The following MEIKIN variants were observed in gnomAD, a reference collection of about 807,000 sequenced individuals.
MEIKIN encodes the protein meiosis-specific kinetochore protein.
At chr5:131,897,370 A>T (rs1012513303) in intron 8 of MEIKIN, among the ~76,000 whole-genome samples, 1 of 151,856 alleles carries the variant, frequency 6.6e-6, no homozygotes, top group Non-Finnish European at 1.5e-5. Context: ...CTTAGGGAGG[A>T]GTAACTTCTC....
chr5:131,892,149 TTTTTTCCTTCATTTCAACTTTGGTGAATC>T lies in MEIKIN; in HGVS notation c.704-13130_704-13102del, dbSNP rs1313294516. ...CCTTTCTCTCTGGCTGCCCTTAACA[TTTTTTCCTTCATTTCAACTTTGGTGAATC>T]TGACAACTATGTGTCTTGGATTTGC... On this transcript the variant is annotated intron_variant, in intron 8 of 12. Coordinates refer to ENST00000442687, the MANE Select transcript of MEIKIN (RefSeq NM_001303622.2). 6.6e-5 allele frequency among the ~76,000 whole-genome samples: 10 copies of T among 152,300 alleles called. No homozygotes were observed. The East Asian group carries it at 1.9e-3, about 29-fold the overall frequency.
chr5:131,817,053 G>A (rs1773115541), intron 12 of MEIKIN, among the ~76,000 whole-genome samples: 1 of 152,172 alleles, frequency 6.6e-6, no homozygotes, highest in African/African-American at 2.4e-5. Flanking sequence ...CCAACTGGTT[G>A]AGGACCAGAA....
At chr5:131,821,442 T>A (rs976398592) in intron 11 of MEIKIN, among the ~76,000 whole-genome samples, 1 of 152,160 alleles carries the variant, frequency 6.6e-6, no homozygotes, top group Non-Finnish European at 1.5e-5. Context: ...GAATGATTCA[T>A]GCGTTGAGGA....
chr5:131,842,557 T>C (rs948402900), intron 11 of MEIKIN, among the ~76,000 whole-genome samples: 1 of 152,182 alleles, frequency 6.6e-6, no homozygotes, highest in African/African-American at 2.4e-5. Context: ...GCAATGATAA[T>C]ACGTTTTTTC....
intron 11 of MEIKIN, among the ~76,000 whole-genome samples, chr5:131,836,655 T>C (rs1005586874): frequency 6.6e-6 from 1 of 152,192 alleles, no homozygotes; most frequent in African/African-American, 2.4e-5. Context: ...TCAGTGATGT[T>C]GAGCTTTTTT....
At chr5:131,865,603 T>A (rs899252528) in intron 9 of MEIKIN, among the ~76,000 whole-genome samples, 13 of 152,366 alleles carry the variant, frequency 8.5e-5, no homozygotes, top group African/African-American at 2.9e-4. Context: ...TTTTCAAGTT[T>A]CCTGTGTCCT....
intron 8 of MEIKIN, among the ~76,000 whole-genome samples, chr5:131,893,296 G>T (rs964025706): frequency 6.6e-6 from 1 of 152,130 alleles, no homozygotes; most frequent in Non-Finnish European, 1.5e-5. Context: ...AATGGTGGGC[G>T]CCCCTCCCCC....
intron 11 of MEIKIN, among the ~76,000 whole-genome samples, chr5:131,829,204 A>C (rs1478858103): frequency 6.6e-6 from 1 of 152,236 alleles, no homozygotes; most frequent in African/African-American, 2.4e-5. Flanking sequence ...AAAATTATAA[A>C]GAAAATTATT....
chr5:131,807,303 G>A, intron 12 of MEIKIN, 45 bp from the exon 13 acceptor site: 1 of 398,172 alleles, frequency 2.5e-6, no homozygotes, highest in Non-Finnish European at 4.4e-6. Flanking sequence ...ATACAAGCAG[G>A]TGTCCAATAC....
intron 11 of MEIKIN, among the ~76,000 whole-genome samples, chr5:131,839,639 TTATC>T (rs1222621460): frequency 6.6e-6 from 1 of 152,184 alleles, no homozygotes; most frequent in Non-Finnish European, 1.5e-5. Context: ...TGTTGGTTTA[TTATC>T]TGTTTTGTCA....
chr5:131,873,645 G>A (rs74943384), intron 9 of MEIKIN, among the ~76,000 whole-genome samples: 16,538 of 152,074 alleles, frequency 0.11, 2,156 homozygotes, highest in African/African-American at 0.32. Context: ...TGCACCAAGC[G>A]GACCTAATAG....
At chr5:131,945,275 G>A in intron 1 of MEIKIN, 26 bp from the exon 2 acceptor site, 2 of 399,122 alleles carry the variant, frequency 5.0e-6, no homozygotes, top group Middle Eastern at 6.3e-4. Flanking sequence ...ACGTTTCAGG[G>A]CAAGAAACCT....
At chr5:131,885,337 C>G (rs1166493224) in intron 8 of MEIKIN, among the ~76,000 whole-genome samples, 2 of 116,542 alleles carry the variant, frequency 1.7e-5, no homozygotes, top group Non-Finnish European at 3.4e-5. Flanking sequence ...CCACTCAGAA[C>G]TGAAAGAGAG....
chr5:131,865,685 C>T (rs565985892), intron 9 of MEIKIN, among the ~76,000 whole-genome samples: 112 of 152,180 alleles, frequency 7.4e-4, no homozygotes, highest in Non-Finnish European at 1.4e-3. Flanking sequence ...TCATCAGGGG[C>T]ACATTTTTCT....
intron 11 of MEIKIN, among the ~76,000 whole-genome samples, chr5:131,833,536 C>G (rs1749748235): frequency 1.3e-5 from 2 of 152,170 alleles, no homozygotes; most frequent in African/African-American, 4.8e-5. Context: ...TTTAATTGGA[C>G]TAACAGTTCC....
intron 12 of MEIKIN, among the ~76,000 whole-genome samples, chr5:131,815,088 T>C (rs1334766580): frequency 1.3e-5 from 2 of 150,472 alleles, no homozygotes; most frequent in Non-Finnish European, 3.0e-5. Flanking sequence ...GCCAAAATTG[T>C]CATCCATGGT....
intron 6 of MEIKIN, among the ~76,000 whole-genome samples, chr5:131,921,078 T>C (rs960493601): frequency 2.0e-5 from 3 of 152,030 alleles, no homozygotes; most frequent in Admixed American, 6.5e-5. Context: ...ACATCAGTAA[T>C]CTGAAAGACT....
intron 9 of MEIKIN, among the ~76,000 whole-genome samples, chr5:131,858,613 C>T (rs1475673046): frequency 2.0e-5 from 3 of 152,112 alleles, no homozygotes; most frequent in Non-Finnish European, 2.9e-5. Context: ...AGCTTCCGCA[C>T]AGCAAATGAA....
chr5:131,817,632 C>T (rs1205750682), intron 12 of MEIKIN, among the ~76,000 whole-genome samples: 1 of 151,748 alleles, frequency 6.6e-6, no homozygotes, highest in Non-Finnish European at 1.5e-5. Flanking sequence ...AAAAAATCCC[C>T]TCTCATATAT....
Sources: allele counts gnomAD v4.1 joint callset (sites outside exome capture counted in the v4.1 genomes callset), GRCh38; gene constraint gnomAD v4.1.1; transcripts MANE v1.5; gene names NCBI Gene and HGNC (gene_info 2026-07-23, HGNC 2026-07-21).